The following PTPRN2 variants were observed in gnomAD, a reference collection of about 807,000 sequenced individuals.
PTPRN2 encodes the protein receptor-type tyrosine-protein phosphatase N2.
A neutral mutation model predicts 118.8 loss-of-function variants in PTPRN2; 74 were observed. The observed-to-expected ratio is 0.62, with a 90% CI of 0.52 to 0.76. The LOEUF (loss-of-function observed/expected upper bound fraction) is 0.76. Ranked by LOEUF, PTPRN2 falls within the 30% of genes least tolerant of loss-of-function variation. PTPRN2 has a pLI of 0.00. For missense variants in PTPRN2, 1,481 were observed against 1,394.4 expected (o/e 1.06, Z -0.99); for synonymous variants, 641 against 608.0 (o/e 1.05, Z -0.80).
intron 6 of PTPRN2, among the ~76,000 whole-genome samples, chr7:158,157,308 G>C (rs556085305): frequency 6.6e-6 from 1 of 152,332 alleles, no homozygotes; most frequent in South Asian, 2.1e-4. Flanking sequence ...GTCAGACAGA[G>C]GCAAATTTCA....
chr7:157,712,749 C>G (rs1798709338), intron 12 of PTPRN2, among the ~76,000 whole-genome samples: 1 of 75,674 alleles, frequency 1.3e-5, no homozygotes, highest in Non-Finnish European at 2.6e-5. Context: ...GAAACTCCAT[C>G]TCAAAAAAAA....
At chr7:158,018,976 A>C (rs1386082923) in intron 11 of PTPRN2, among the ~76,000 whole-genome samples, 1 of 148,854 alleles carries the variant, frequency 6.7e-6, no homozygotes, top group South Asian at 2.1e-4. Context: ...CAAAAAAAAA[A>C]AAAAAAAAAA....
At chr7:158,523,929 A>AGTC (rs1251259086) in intron 1 of PTPRN2, among the ~76,000 whole-genome samples, 1 of 30,468 alleles carries the variant, frequency 3.3e-5, no homozygotes. Context: ...CCTGGAGCGG[A>AGTC]GTCTGCCCTG....
chr7:158,472,754 G>A (rs1415506021), intron 2 of PTPRN2, among the ~76,000 whole-genome samples: 1 of 152,134 alleles, frequency 6.6e-6, no homozygotes, highest in South Asian at 2.1e-4. Context: ...ATGATTAGAC[G>A]GCGCCTCTAA....
At chr7:157,685,100 C>A (rs1797113264) in intron 12 of PTPRN2, among the ~76,000 whole-genome samples, 1 of 152,068 alleles carries the variant, frequency 6.6e-6, no homozygotes, top group Non-Finnish European at 1.5e-5. Flanking sequence ...CCTCTCGCCT[C>A]CCGCGGGTCC....
intron 1 of PTPRN2, among the ~76,000 whole-genome samples, chr7:158,524,671 G>A (rs1325923767): frequency 2.6e-5 from 4 of 152,286 alleles, no homozygotes; most frequent in Admixed American, 1.3e-4. Flanking sequence ...AGGTGACTGC[G>A]TTTGGAAATC....
intron 1 of PTPRN2, among the ~76,000 whole-genome samples, chr7:158,508,261 G>T (rs1822918133): frequency 6.6e-6 from 1 of 152,192 alleles, no homozygotes; most frequent in African/African-American, 2.4e-5. Context: ...ATGACACTGT[G>T]GTCATCCGAA....
intron 5 of PTPRN2, among the ~76,000 whole-genome samples, chr7:158,178,015 C>T (rs1265131972): frequency 1.3e-5 from 2 of 152,156 alleles, no homozygotes; most frequent in Non-Finnish European, 2.9e-5. Flanking sequence ...CACCTCCTTG[C>T]CAATACATAG....
At chr7:158,051,624 G>T (rs1048687061) in intron 11 of PTPRN2, among the ~76,000 whole-genome samples, 1 of 152,222 alleles carries the variant, frequency 6.6e-6, no homozygotes, top group Admixed American at 6.5e-5. Context: ...CCCGGCGAGC[G>T]CCCGCCACCT....
chr7:158,258,557 C>T lies in PTPRN2; in HGVS notation c.278-53284G>A, dbSNP rs530096762. Among the ~76,000 whole-genome samples the T allele has an allele frequency of 1.1e-3, 173 of 152,312 alleles. 1 individual carries two copies. Among genetic ancestry groups the T allele is most frequent in the South Asian group, 4.3e-3 (21 of 4,832 alleles). On this transcript the variant is annotated intron_variant, in intron 3 of 22. Transcript: ENST00000389418. The stretch of plus-strand genomic sequence containing the variant: ...CATCCAGCCTCTGGTAGGATGGGGG[C>T]GACCACATCAGATACCACCTCTGTG...
At chr7:158,312,191 TAG>T (rs1339210890) in intron 3 of PTPRN2, among the ~76,000 whole-genome samples, 10 of 55,562 alleles carry the variant, frequency 1.8e-4, no homozygotes, top group African/African-American at 6.0e-4. Context: ...TGCTCATGTG[TAG>T]ACACTCACAT....
rs1805304310 is a variant in PTPRN2, at chr7:157,801,535, G to A, written c.1788+97138C>T. 1.3e-5 allele frequency among the ~76,000 whole-genome samples: 2 copies of A among 152,184 alleles called. No individual in the cohort carries two copies. Among genetic ancestry groups the A allele is most frequent in the African/African-American group, 4.8e-5 (2 of 41,422 alleles). ...ATCCCCATTTCTGCCCCACTGGGTT[G>A]AGAAATCTGTGGGTGATAGAGTATA... On this transcript the variant is annotated intron_variant, in intron 12 of 22. Transcript: ENST00000389418. The surrounding 1 kb of genome is among the most constrained non-coding windows in gnomAD (Gnocchi z 4.2).
At chr7:158,134,164 G>A in intron 8 of PTPRN2, 105 bp from the exon 9 acceptor site, 3 of 1,335,284 alleles carry the variant, frequency 2.2e-6, no homozygotes, top group Non-Finnish European at 2.0e-6. Flanking sequence ...GATGACATGG[G>A]CAGCCTGGAA....
At chr7:158,401,909 G>C (rs528887890) in intron 2 of PTPRN2, among the ~76,000 whole-genome samples, 121 of 152,214 alleles carry the variant, frequency 7.9e-4, no homozygotes, top group African/African-American at 2.8e-3. Flanking sequence ...CTGCCGCCCA[G>C]ACCTCCCAGG....
At chr7:158,158,315 G>A (rs1419719854) in intron 6 of PTPRN2, among the ~76,000 whole-genome samples, 1 of 152,250 alleles carries the variant, frequency 6.6e-6, no homozygotes, top group African/African-American at 2.4e-5. Flanking sequence ...CTGAGACTGG[G>A]CTGCGGGGAA....
chr7:157,734,270 G>GCACAGTTACTCTTCCACCCCA lies in PTPRN2; in HGVS notation c.1789-51334_1789-51333insTGGGGTGGAAGAGTAACTGTG, dbSNP rs1300723199. Among the ~76,000 whole-genome samples the GCACAGTTACTCTTCCACCCCA allele has an allele frequency of 2.3e-3, 164 of 70,602 alleles. 20 individuals are homozygous for GCACAGTTACTCTTCCACCCCA. The highest frequency in any genetic ancestry group is 4.9e-3 in the African/African-American group (94 of 19,280). The allele number at this position is 70,602 out of a possible 152,430, so 46.3% of individuals were successfully genotyped here. The stretch of plus-strand genomic sequence containing the variant: ...CACACTCTTCCGTCCCATGTGCCCA[G>GCACAGTTACTCTTCCACCCCA]TGCAGTCTTCCGTCCCATGCGCCCA... On this transcript the variant is annotated intron_variant, in intron 12 of 22. Coordinates refer to ENST00000389418, the MANE Select transcript of PTPRN2 (RefSeq NM_002847.5).
intron 2 of PTPRN2, among the ~76,000 whole-genome samples, chr7:158,366,899 C>G (rs1390610004): frequency 6.6e-6 from 1 of 152,100 alleles, no homozygotes; most frequent in Non-Finnish European, 1.5e-5. Context: ...GGATTTAAAA[C>G]AGCAAAGCGG....
chr7:158,463,471 A>G (rs1563324279), intron 2 of PTPRN2, among the ~76,000 whole-genome samples: 1 of 151,880 alleles, frequency 6.6e-6, no homozygotes, highest in Non-Finnish European at 1.5e-5. Flanking sequence ...CATTACCACC[A>G]TCATCACCAT....
At position 158,234,785 on chromosome 7, in the gene PTPRN2, C is replaced by T. The variant is rs181668381; in HGVS notation, c.278-29512G>A. ...AAATGGCTTTTTTTTTCTTTTGAGA[C>T]GGAGTCTTGCTCTGTCTCCCAGGCT... On this transcript the variant is annotated intron_variant, in intron 3 of 22. Coordinates refer to ENST00000389418, the MANE Select transcript of PTPRN2 (RefSeq NM_002847.5). 2.9e-3 allele frequency among the ~76,000 whole-genome samples: 436 copies of T among 152,126 alleles called. 3 individuals carry two copies. The highest frequency in any genetic ancestry group is 0.01 in the African/African-American group (420 of 41,526).
Sources: allele counts gnomAD v4.1 joint callset (sites outside exome capture counted in the v4.1 genomes callset), GRCh38; gene constraint gnomAD v4.1.1; non-coding constraint Gnocchi (gnomAD v3.1); transcripts MANE v1.5; gene names NCBI Gene and HGNC (gene_info 2026-07-23, HGNC 2026-07-21).